KIAA1958: variants seen among roughly 807,000 people sequenced by gnomAD.
The protein encoded by KIAA1958 is uncharacterized protein KIAA1958.
In KIAA1958, 14 loss-of-function variants were observed where a neutral mutation model predicts 47.2. The observed-to-expected ratio is 0.30, with a 90% CI of 0.20 to 0.46. KIAA1958 has a LOEUF of 0.46. Ranked by LOEUF, KIAA1958 falls within the 20% of genes least tolerant of loss-of-function variation. The pLI is 1.00. For missense variants in KIAA1958, 803 were observed against 909.2 expected (o/e 0.88, Z 1.50); for synonymous variants, 354 against 353.3 (o/e 1.00, Z -0.02).
chr9:112,516,670 T>C (rs1332626140), intron 1 of KIAA1958, among the ~76,000 whole-genome samples: 1 of 152,250 alleles, frequency 6.6e-6, no homozygotes, highest in African/African-American at 2.4e-5. Flanking sequence ...AATAAAGTTT[T>C]AGGACTTACA....
At chr9:112,636,072 A>T (rs1836799773) in intron 2 of KIAA1958, among the ~76,000 whole-genome samples, 1 of 149,050 alleles carries the variant, frequency 6.7e-6, no homozygotes, top group African/African-American at 2.4e-5. Context: ...ATTCTCATTG[A>T]TTTTTTTTCT....
chr9:112,625,973 C>A (rs75479553), intron 2 of KIAA1958, among the ~76,000 whole-genome samples: 2,699 of 152,256 alleles, frequency 0.018, 82 homozygotes, highest in African/African-American at 0.062. Flanking sequence ...ACTTGGATAT[C>A]GAGCTACATA....
intron 2 of KIAA1958, 152 bp downstream of exon 2, chr9:112,575,403 G>T (rs1835628584): frequency 1.8e-6 from 1 of 561,996 alleles, no homozygotes; most frequent in Non-Finnish European, 3.0e-6. Flanking sequence ...ACATCCAGGT[G>T]ATACTATACA....
In KIAA1958 at chr9:112,618,979, C is replaced by T. The variant is rs1286781086; in HGVS notation, c.1172-26671C>T. The T allele has an allele frequency of 5.5e-6, 8 of 1,449,400 alleles. No individual in the cohort carries two copies. Among genetic ancestry groups the T allele is most frequent in the Middle Eastern group, 1.8e-4 (1 of 5,428 alleles). The allele number at this position is 1,449,400 out of a possible 1,614,324, so 89.8% of individuals were successfully genotyped here. A position where few individuals can be genotyped will look rare whatever the true frequency, so the allele number is the denominator to read the frequency against. ...GTCCGGAGAAACTGTGATTATACAC[C>T]GCTTCTCGTTCCCCTTCCTGTGCCC... On this transcript the variant is annotated intron_variant, in intron 2 of 3. Transcript: ENST00000337530. The surrounding 1 kb of genome is among the most constrained non-coding windows in gnomAD (Gnocchi z 7.1).
rs74905249 is a variant in KIAA1958 at position 112,658,290 on chromosome 9, T to C, written c.1345-973T>C. 3.1e-3 allele frequency among the ~76,000 whole-genome samples: 468 copies of C among 152,034 alleles called. 4 individuals carry two copies. The highest frequency in any genetic ancestry group is 0.011 in the African/African-American group (436 of 41,472). ...TAACTTGCTGTGCAAAATGGACATA[T>C]CAGATGTCTTTCCCTACAGCACTAT... On this transcript the variant is annotated intron_variant, in intron 3 of 3. Transcript: ENST00000337530.
intron 2 of KIAA1958, among the ~76,000 whole-genome samples, chr9:112,575,506 G>A (rs1461882685): frequency 6.6e-6 from 1 of 151,812 alleles, no homozygotes; most frequent in Non-Finnish European, 1.5e-5. Flanking sequence ...TGCAGCGTTA[G>A]ATTTAAGGTT....
rs1290536970 is a variant in KIAA1958 at position 112,618,428 on chromosome 9, A to G, written c.1172-27222A>G. On this transcript the variant is annotated intron_variant, in intron 2 of 3. Transcript: ENST00000337530. This position sits in a 1 kb window ranked among gnomAD's most constrained non-coding sequence, Gnocchi z 7.1. ...TGATATCCGGCTCCGGGTAACAGAG[A>G]CGGGTCTCGAGTACTTGGAGTGGAT... is the stretch of plus-strand genomic sequence containing the variant. The G allele has an allele frequency of 6.4e-7, 1 of 1,551,048 alleles. No homozygotes were observed. Among genetic ancestry groups the G allele is most frequent in the Non-Finnish European group, 8.7e-7 (1 of 1,147,134 alleles).
At chr9:112,556,793 T>C (rs557239519) in intron 1 of KIAA1958, among the ~76,000 whole-genome samples, 12 of 152,216 alleles carry the variant, frequency 7.9e-5, no homozygotes, top group African/African-American at 2.9e-4. Context: ...TTGCTATGCT[T>C]AATGTAATCC....
At chr9:112,565,981 G>T (rs1835421319) in intron 1 of KIAA1958, among the ~76,000 whole-genome samples, 2 of 152,212 alleles carry the variant, frequency 1.3e-5, no homozygotes, top group Admixed American at 1.3e-4. Flanking sequence ...TCAGCTCACT[G>T]CAAGCTCCGC....
chr9:112,655,773 G>A (rs563308290), intron 3 of KIAA1958, among the ~76,000 whole-genome samples: 20 of 152,304 alleles, frequency 1.3e-4, no homozygotes, highest in East Asian at 7.7e-4. Context: ...ATCTTGAGTC[G>A]TGGTCCACCT....
chr9:112,537,494 C>T (rs557206538), intron 1 of KIAA1958, among the ~76,000 whole-genome samples: 1 of 152,210 alleles, frequency 6.6e-6, no homozygotes, highest in African/African-American at 2.4e-5. Flanking sequence ...GATAGACAAC[C>T]AAATAGAAAA....
intron 2 of KIAA1958, among the ~76,000 whole-genome samples, chr9:112,620,251 G>A (rs1049807241): frequency 2.6e-5 from 4 of 152,078 alleles, no homozygotes; most frequent in African/African-American, 9.7e-5. Flanking sequence ...GCTGAGCTAG[G>A]TTCCTATTCT....
chr9:112,657,375 A>T (rs1437811784), intron 3 of KIAA1958, among the ~76,000 whole-genome samples: 1 of 152,150 alleles, frequency 6.6e-6, no homozygotes, highest in Non-Finnish European at 1.5e-5. Context: ...TACAGGCATG[A>T]GCCACCATGC....
intron 2 of KIAA1958, among the ~76,000 whole-genome samples, chr9:112,622,298 C>T (rs1836523163): frequency 6.6e-6 from 1 of 152,206 alleles, no homozygotes; most frequent in Non-Finnish European, 1.5e-5. Context: ...AGTGCTTACA[C>T]TTTAAGATCA....
At chr9:112,547,248 CGT>C (rs1835054795) in intron 1 of KIAA1958, among the ~76,000 whole-genome samples, 1 of 137,104 alleles carries the variant, frequency 7.3e-6, no homozygotes, top group South Asian at 2.4e-4. Flanking sequence ...GAGTGGGGTG[CGT>C]GCCTGTGGTC....
chr9:112,655,714 T>C (rs1321665274), intron 3 of KIAA1958, among the ~76,000 whole-genome samples: 1 of 152,142 alleles, frequency 6.6e-6, no homozygotes. Context: ...ATGGGAGGCA[T>C]GCGGGAGTGT....
intron 1 of KIAA1958, among the ~76,000 whole-genome samples, chr9:112,550,402 T>G (rs1234963645): frequency 6.6e-6 from 1 of 152,152 alleles, no homozygotes; most frequent in Non-Finnish European, 1.5e-5. Context: ...TGAAGGGGCA[T>G]TTAAAGTGAA....
intron 1 of KIAA1958, among the ~76,000 whole-genome samples, chr9:112,550,034 A>G (rs909910890): frequency 4.6e-5 from 7 of 152,228 alleles, no homozygotes; most frequent in Admixed American, 1.3e-4. Flanking sequence ...TGATTTGGCT[A>G]ACTGGACTGA....
chr9:112,563,388 C>T (rs905213622), intron 1 of KIAA1958, among the ~76,000 whole-genome samples: 2 of 152,050 alleles, frequency 1.3e-5, no homozygotes, highest in Non-Finnish European at 2.9e-5. Flanking sequence ...TTATTTAGGT[C>T]ATGTTTAATT....
Sources: allele counts gnomAD v4.1 joint callset (sites outside exome capture counted in the v4.1 genomes callset), GRCh38; gene constraint gnomAD v4.1.1; non-coding constraint Gnocchi (gnomAD v3.1); transcripts MANE v1.5; gene names NCBI Gene and HGNC (gene_info 2026-07-23, HGNC 2026-07-21).